The following AIM2 variants were observed in gnomAD, a reference collection of about 807,000 sequenced individuals.
AIM2 encodes interferon-inducible protein AIM2.
Under a neutral mutation model 27.7 loss-of-function variants are expected in AIM2, and 30 were observed. The observed-to-expected ratio is 1.08, with a 90% confidence interval of 0.81 to 1.47. AIM2 has a LOEUF of 1.47. AIM2 is among the 40% of genes most tolerant of loss of function. The pLI, the probability that AIM2 is intolerant of heterozygous loss-of-function variation, is 0.00. For missense variants in AIM2, 358 were observed against 411.3 expected (o/e 0.87, Z 1.12); for synonymous variants, 141 against 145.3 (o/e 0.97, Z 0.21).
At chr1:159,143,740 T>A (rs932940797), upstream of AIM2, among the ~76,000 whole-genome samples, 3 of 152,152 alleles carry the variant, frequency 2.0e-5, no homozygotes, top group Admixed American at 2.0e-4. Context: ...ACAACCTGAA[T>A]AAAGAGTCCC....
chr1:159,068,155 C>T (rs1656187194), intron 3 of AIM2, among the ~76,000 whole-genome samples: 1 of 152,136 alleles, frequency 6.6e-6, no homozygotes, highest in Non-Finnish European at 1.5e-5. Context: ...GAAAGACATT[C>T]TCAGCTCCCG....
At chr1:159,068,509 G>A (rs1322605389) in intron 3 of AIM2, 59 bp downstream of exon 3, 1 of 1,527,580 alleles carries the variant, frequency 6.5e-7, no homozygotes, top group African/African-American at 1.4e-5. Context: ...AATATGGGAA[G>A]TGACAGTGAC....
the AIM2 span, chr1:159,055,096 GCATCTA>G: frequency 5.9e-5 from 23 of 390,752 alleles, no homozygotes; most frequent in African/African-American, 4.8e-4. Flanking sequence ...GGCATATTTT[GCATCTA>G]CAACTTCTAT....
At chr1:159,120,731 G>A (rs543645567) in intron 1 of AIM2, among the ~76,000 whole-genome samples, 2 of 152,126 alleles carry the variant, frequency 1.3e-5, no homozygotes, top group South Asian at 4.1e-4. Context: ...AGAGCCCAGC[G>A]TGACTGTTGG....
intron 1 of AIM2, among the ~76,000 whole-genome samples, chr1:159,099,496 GT>G (rs908992053): frequency 3.3e-5 from 5 of 151,952 alleles, no homozygotes; most frequent in South Asian, 4.2e-4. Context: ...GACCTACTTT[GT>G]TTTTTTTCCC....
intron 1 of AIM2, among the ~76,000 whole-genome samples, chr1:159,105,412 G>A (rs1464942433): frequency 6.7e-6 from 1 of 149,354 alleles, no homozygotes; most frequent in East Asian, 1.9e-4. Context: ...ATAGTGAGTG[G>A]GGGGGCATGT....
chr1:159,106,874 T>A (rs1391748016), intron 1 of AIM2, among the ~76,000 whole-genome samples: 1 of 152,222 alleles, frequency 6.6e-6, no homozygotes, highest in East Asian at 1.9e-4. Context: ...GAAGTGCTAT[T>A]ATGAGGATTA....
chr1:159,146,890 T>A (rs1026556927), intron 1 of AIM2: 3 of 152,216 alleles, frequency 2.0e-5, no homozygotes, highest in African/African-American at 7.2e-5. Flanking sequence ...TTCAGACCAC[T>A]TTACTTGCCC....
At chr1:159,137,209 T>C (rs770523256) in intron 1 of AIM2, among the ~76,000 whole-genome samples, 4 of 152,184 alleles carry the variant, frequency 2.6e-5, no homozygotes, top group Non-Finnish European at 5.9e-5. Flanking sequence ...TTTGAAAATT[T>C]GATGGAATAG....
At chr1:159,115,578 C>CG (rs771195636) in intron 1 of AIM2, among the ~76,000 whole-genome samples, 3 of 152,048 alleles carry the variant, frequency 2.0e-5, no homozygotes, top group Non-Finnish European at 2.9e-5. Flanking sequence ...AAACAAAAAA[C>CG]GGGGAAACGA....
At chr1:159,101,438 G>A (rs1430668576) in intron 1 of AIM2, among the ~76,000 whole-genome samples, 1 of 152,182 alleles carries the variant, frequency 6.6e-6, no homozygotes, top group African/African-American at 2.4e-5. Context: ...AGCAGCATGA[G>A]TATGAACTAA....
At chr1:159,063,963 T>G (rs1204816369) in intron 4 of AIM2, among the ~76,000 whole-genome samples, 1 of 152,222 alleles carries the variant, frequency 6.6e-6, no homozygotes, top group Non-Finnish European at 1.5e-5. Context: ...TTAGTATATT[T>G]TCTTTTTTAT....
rs372420417 is a variant in AIM2, at chr1:159,073,537, C to T, written c.-20-18G>A. The stretch of plus-strand genomic sequence containing the variant: ...GGATCAGCCTATAAGGAATCCAAAA[C>T]ATGTAAGATTACACCACCAAAAGTG... On this transcript the variant is annotated intron_variant, in intron 1 of 5. Coordinates refer to ENST00000368130, the MANE Select transcript of AIM2 (RefSeq NM_004833.3). 3 of 1,586,898 alleles carry T rather than the reference C, an allele frequency of 1.9e-6. No individual in the cohort carries two copies. The African/African-American group carries it at 4.0e-5, about 21-fold the overall frequency.
chr1:159,060,358 A>T (rs1190964410), downstream of AIM2, among the ~76,000 whole-genome samples: 2 of 152,228 alleles, frequency 1.3e-5, no homozygotes, highest in Non-Finnish European at 2.9e-5. Context: ...ATAAAAAAAA[A>T]TCAGAATATC....
At chr1:159,127,624 T>G (rs1647756233) in intron 1 of AIM2, among the ~76,000 whole-genome samples, 2 of 151,982 alleles carry the variant, frequency 1.3e-5, no homozygotes, top group Admixed American at 6.5e-5. Flanking sequence ...GTTGGGATCC[T>G]TAATGGGATC....
chr1:159,100,326 A>AT, intron 1 of AIM2, among the ~76,000 whole-genome samples: 1 of 152,168 alleles, frequency 6.6e-6, no homozygotes, highest in Middle Eastern at 3.2e-3. Context: ...TTGGGAAATG[A>AT]TTTTTTTAAG....
chr1:159,093,760 G>A lies in AIM2; in HGVS notation c.-15-27431C>T, dbSNP rs567200055. On this transcript the variant is annotated intron_variant, in intron 1 of 2. Transcript: ENST00000368129. ...GAGAGAGAGAGAGAGAGAGAGAGACGGAGTCTTGTTCTGTCACCAGGCTGG... is the reference window on the plus strand; with the variant it reads ...GAGAGAGAGAGAGAGAGAGAGAGACAGAGTCTTGTTCTGTCACCAGGCTGG... 1.9e-4 allele frequency among the ~76,000 whole-genome samples: 29 copies of A among 148,960 alleles called. No individual in the cohort carries two copies. The East Asian group carries it at 2.8e-3, about 14-fold the overall frequency.
At position 159,089,528 on chromosome 1, in the gene AIM2, C is replaced by T. The variant is rs144967825; in HGVS notation, c.-15-23199G>A. 1.1e-4 allele frequency among the ~76,000 whole-genome samples: 16 copies of T among 152,256 alleles called. No individual in the cohort carries two copies. In the East Asian group the frequency reaches 2.7e-3, roughly 26 times the overall value. On this transcript the variant is annotated intron_variant, in intron 1 of 2. Coordinates refer to the AIM2 transcript ENST00000368129. ...CCCTGTGTTGGATTGTTTGTTCAAC[C>T]CCCTTACCTACAGGCTCCCCTGCTT...
downstream of AIM2, among the ~76,000 whole-genome samples, chr1:159,059,491 T>C (rs1162419526): frequency 6.6e-6 from 1 of 152,198 alleles, no homozygotes; most frequent in African/African-American, 2.4e-5. Flanking sequence ...TACTAAGATG[T>C]CATAGACTGC....
Sources: allele counts gnomAD v4.1 joint callset (sites outside exome capture counted in the v4.1 genomes callset), GRCh38; gene constraint gnomAD v4.1.1; transcripts MANE v1.5; gene names NCBI Gene and HGNC (gene_info 2026-07-23, HGNC 2026-07-21).